Variants in ADGRL3 observed in about 807,000 individuals in gnomAD.
ADGRL3 encodes adhesion G protein-coupled receptor L3, also known as calcium-independent alpha-latrotoxin receptor 3.
Under a neutral mutation model 153.5 loss-of-function variants are expected in ADGRL3, and 62 were observed. The observed-to-expected ratio is 0.40, with a 90% confidence interval of 0.33 to 0.50. ADGRL3 has a LOEUF of 0.50. Ranked by LOEUF, ADGRL3 falls within the 20% of genes least tolerant of loss-of-function variation. ADGRL3 has a pLI of 0.47. For synonymous variants in ADGRL3, 710 were observed against 672.5 expected, an observed-to-expected ratio of 1.06 and a Z score of -0.86; for missense variants, 1,641 against 1,859.4, an observed-to-expected ratio of 0.88 and a Z score of 2.16.
chr4:61,370,825 TG>T (rs1203215040), intron 1 of ADGRL3, among the ~76,000 whole-genome samples: 1 of 152,140 alleles, frequency 6.6e-6, no homozygotes, highest in African/African-American at 2.4e-5. Flanking sequence ...ATATTGACAG[TG>T]GGATGTTAAA....
chr4:61,373,137 C>T (rs1256024134), intron 1 of ADGRL3, among the ~76,000 whole-genome samples: 3 of 152,166 alleles, frequency 2.0e-5, no homozygotes, highest in Non-Finnish European at 4.4e-5. Flanking sequence ...CTGGCACTCC[C>T]TAGTGAGATG....
intron 8 of ADGRL3, among the ~76,000 whole-genome samples, chr4:61,791,055 A>G (rs550267963): frequency 6.6e-5 from 10 of 152,256 alleles, no homozygotes; most frequent in African/African-American, 1.9e-4. Flanking sequence ...GGCAAACCAT[A>G]TCATTCCACT....
chr4:61,266,263 T>A (rs2092838399), intron 1 of ADGRL3, among the ~76,000 whole-genome samples: 1 of 151,830 alleles, frequency 6.6e-6, no homozygotes, highest in Non-Finnish European at 1.5e-5. Flanking sequence ...CATTTCATGA[T>A]CTTTCTGACT....
At chr4:61,599,441 T>C (rs1389342819) in intron 5 of ADGRL3, among the ~76,000 whole-genome samples, 3 of 152,276 alleles carry the variant, frequency 2.0e-5, no homozygotes, top group African/African-American at 7.2e-5. Context: ...CAAGAGATTC[T>C]CCCGCCTCAG....
chr4:61,756,150 G>T (rs1348948329), intron 8 of ADGRL3, among the ~76,000 whole-genome samples: 3 of 152,194 alleles, frequency 2.0e-5, no homozygotes, highest in Non-Finnish European at 2.9e-5. Context: ...TTCCAGTTCT[G>T]TGGAGAAAGT....
chr4:61,972,179 G>A (rs181776303), intron 17 of ADGRL3, among the ~76,000 whole-genome samples: 1,671 of 151,884 alleles, frequency 0.011, 32 homozygotes, highest in African/African-American at 0.038. Flanking sequence ...CCATTTGTCA[G>A]TTTTGGCTTT....
intron 2 of ADGRL3, among the ~76,000 whole-genome samples, chr4:61,417,991 G>A (rs2097162638): frequency 6.6e-6 from 1 of 152,098 alleles, no homozygotes; most frequent in Non-Finnish European, 1.5e-5. Context: ...CTTAAATACT[G>A]GACAAGGGGA....
At position 62,071,637 on chromosome 4, in the gene ADGRL3, G is replaced by GAAA. The variant is rs749662813; in HGVS notation, c.*739_*741dup. On this transcript the variant is annotated 3_prime_UTR_variant, in exon 27 of 27. Transcript: ENST00000683033. ...GAATTTGAGTCCTGTTAATGTAGTA[G>GAAA]AAAAAAAAAAAAGAAATTTTCTTTT... The GAAA allele has an allele frequency of 3.5e-5, 11 of 309,970 alleles. No individual in the cohort carries two copies. Among genetic ancestry groups the GAAA allele is most frequent in the Admixed American group, 9.1e-5 (2 of 21,996 alleles). The allele number at this position is 309,970 out of a possible 1,614,324, so 19.2% of individuals were successfully genotyped here.
At chr4:62,010,839 AT>A (rs1581871984) in intron 21 of ADGRL3, among the ~76,000 whole-genome samples, 1 of 152,226 alleles carries the variant, frequency 6.6e-6, no homozygotes, top group East Asian at 1.9e-4. Flanking sequence ...CAGGGATAAA[AT>A]TTTTAAAACT....
intron 5 of ADGRL3, among the ~76,000 whole-genome samples, chr4:61,615,760 A>C (rs73822695): frequency 0.027 from 4,153 of 152,048 alleles, 139 homozygotes; most frequent in East Asian, 0.14. Flanking sequence ...ACTATCATAG[A>C]TTTATTGACT....
At chr4:61,572,062 T>A (rs550226482) in intron 4 of ADGRL3, among the ~76,000 whole-genome samples, 1 of 152,142 alleles carries the variant, frequency 6.6e-6, no homozygotes, top group African/African-American at 2.4e-5. Flanking sequence ...ATGAACTGTT[T>A]GTATGTTTTT....
At chr4:61,930,299 A>G (rs2150090885) in intron 13 of ADGRL3, among the ~76,000 whole-genome samples, 1 of 152,144 alleles carries the variant, frequency 6.6e-6, no homozygotes, top group East Asian at 1.9e-4. Context: ...AGGTTCCCCC[A>G]GATGATTCTG....
chr4:61,680,405 CGTGTGTGTGTGTGTGT>C (rs3075156), intron 6 of ADGRL3, among the ~76,000 whole-genome samples: 3,471 of 144,112 alleles, frequency 0.024, 99 homozygotes, highest in South Asian at 0.082. Flanking sequence ...TATACATACT[CGTGTGTGTGTGTGTGT>C]GTGTGTGTGT....
At chr4:61,660,287 C>T (rs1391326) in intron 5 of ADGRL3, among the ~76,000 whole-genome samples, 151,180 of 152,260 alleles carry the variant, frequency 0.99, 75,069 homozygotes, top group Middle Eastern at 1. Context: ...AAAGCTCTGT[C>T]ACAGTCCCTA....
intron 1 of ADGRL3, among the ~76,000 whole-genome samples, chr4:61,293,420 A>T (rs550959417): frequency 6.6e-6 from 1 of 152,316 alleles, no homozygotes; most frequent in African/African-American, 2.4e-5. Flanking sequence ...AGTTGCTCAC[A>T]ATTCTAAAAT....
intron 2 of ADGRL3, among the ~76,000 whole-genome samples, chr4:61,463,286 T>C (rs1469530142): frequency 6.6e-6 from 1 of 152,172 alleles, no homozygotes; most frequent in Non-Finnish European, 1.5e-5. Context: ...GAAAAGGAGT[T>C]TAGTTGACTC....
intron 8 of ADGRL3, among the ~76,000 whole-genome samples, chr4:61,777,270 T>A (rs923962152): frequency 6.6e-6 from 1 of 152,116 alleles, no homozygotes; most frequent in South Asian, 2.1e-4. Context: ...GAGGCGGAGC[T>A]TTCAGTGAGC....
chr4:61,404,955 G>C (rs1260664489), intron 2 of ADGRL3, among the ~76,000 whole-genome samples: 1 of 151,994 alleles, frequency 6.6e-6, no homozygotes, highest in Non-Finnish European at 1.5e-5. Flanking sequence ...AAAATGATGG[G>C]ATACATATAA....
At chr4:61,804,727 A>G (rs954197065) in intron 8 of ADGRL3, among the ~76,000 whole-genome samples, 1 of 152,158 alleles carries the variant, frequency 6.6e-6, no homozygotes, top group Admixed American at 6.5e-5. Context: ...CCTATTGGCC[A>G]TTATTTGAGA....
Sources: allele counts gnomAD v4.1 joint callset (sites outside exome capture counted in the v4.1 genomes callset), GRCh38; gene constraint gnomAD v4.1.1; transcripts MANE v1.5; gene names NCBI Gene and HGNC (gene_info 2026-07-23, HGNC 2026-07-21).